PIEZO2: variants seen among roughly 807,000 people sequenced by gnomAD.
PIEZO2 encodes the protein piezo type mechanosensitive ion channel component 2.
A neutral mutation model predicts 337.3 loss-of-function variants in PIEZO2; 172 were observed. The ratio of observed to expected loss-of-function variants is 0.51; its 90% CI spans 0.45 to 0.58. The LOEUF (loss-of-function observed/expected upper bound fraction) is 0.58. Among genes scored for constraint, PIEZO2 ranks in the 20% least tolerant of loss-of-function variants. The pLI is 0.00. For missense variants in PIEZO2, 3,028 were observed against 3,391.3 expected (o/e 0.89, Z 2.66); for synonymous variants, 1,251 against 1,228.5 (o/e 1.02, Z -0.38).
intron 2 of PIEZO2, among the ~76,000 whole-genome samples, chr18:10,996,433 A>G (rs1404395152): frequency 6.6e-6 from 1 of 152,226 alleles, no homozygotes; most frequent in Non-Finnish European, 1.5e-5. Flanking sequence ...ATGTTGTGCA[A>G]TTATTTGGAA....
At chr18:10,880,875 ATATATATATATATATATATATATAT>A (rs2042396796) in intron 4 of PIEZO2, among the ~76,000 whole-genome samples, 4 of 97,670 alleles carry the variant, frequency 4.1e-5, no homozygotes, top group South Asian at 3.6e-4. Flanking sequence ...ATATATATAT[ATATATATATATATATATATATATAT>A]AATTTTGATA....
chr18:10,931,697 GGT>G (rs369138997), intron 3 of PIEZO2, among the ~76,000 whole-genome samples: 5 of 143,534 alleles, frequency 3.5e-5, no homozygotes, highest in East Asian at 2.0e-4. Context: ...TTCTCTGTGT[GGT>G]GTGTGTGTGT....
At chr18:10,782,348 ATAT>A (rs1410746191) in intron 17 of PIEZO2, among the ~76,000 whole-genome samples, 1 of 59,440 alleles carries the variant, frequency 1.7e-5, no homozygotes, top group East Asian at 5.4e-4. Context: ...TAATTATAAT[ATAT>A]TATAATTATA....
chr18:10,780,241 T>C lies in PIEZO2; in HGVS notation c.2534+84A>G, dbSNP rs1018737972. 4 of 691,884 alleles carry C rather than the reference T, an allele frequency of 5.8e-6. No homozygotes were observed. In the African/African-American group the frequency reaches 7.0e-5, roughly 12 times the overall value. The allele number at this position is 691,884 out of a possible 1,614,324, so 42.9% of individuals were successfully genotyped here. On this transcript the variant is annotated intron_variant, in intron 18 of 55. Transcript: ENST00000674853. ...AGTGTCCACTATCTGACAACACGAT[T>C]TTCATGTATAAAGCAGTTAAGAGTT...
At chr18:10,882,605 A>G (rs2042453195) in intron 4 of PIEZO2, among the ~76,000 whole-genome samples, 2 of 152,020 alleles carry the variant, frequency 1.3e-5, no homozygotes, top group African/African-American at 4.8e-5. Flanking sequence ...ATTTTTTCCC[A>G]TCATCTCCTC....
intron 2 of PIEZO2, among the ~76,000 whole-genome samples, chr18:10,985,065 CCCT>C (rs2034817344): frequency 2.0e-5 from 3 of 152,102 alleles, no homozygotes; most frequent in East Asian, 3.9e-4. Flanking sequence ...ACTAGAACTG[CCCT>C]ATAAGAAACG....
At chr18:11,053,991 T>G (rs1361911392) in intron 2 of PIEZO2, among the ~76,000 whole-genome samples, 1 of 152,150 alleles carries the variant, frequency 6.6e-6, no homozygotes, top group Non-Finnish European at 1.5e-5. Flanking sequence ...ATCACTGCAC[T>G]CCAGCCTGGG....
At chr18:10,840,627 A>G (rs2041160897) in intron 7 of PIEZO2, among the ~76,000 whole-genome samples, 1 of 150,998 alleles carries the variant, frequency 6.6e-6, no homozygotes, top group Non-Finnish European at 1.5e-5. Flanking sequence ...TCCACTTTTG[A>G]CAATAAAAAA....
chr18:10,715,513 C>T, intron 38 of PIEZO2, 137 bp downstream of exon 38: 1 of 724,610 alleles, frequency 1.4e-6, no homozygotes, highest in Non-Finnish European at 2.1e-6. Context: ...TTTAAATATA[C>T]AGAAAAGCAA....
chr18:11,025,341 G>C (rs2036499429), intron 2 of PIEZO2, among the ~76,000 whole-genome samples: 1 of 152,088 alleles, frequency 6.6e-6, no homozygotes, highest in Admixed American at 6.5e-5. Flanking sequence ...TAGGTAAACG[G>C]GGCAGATAAC....
In PIEZO2 at chr18:10,879,466, G is replaced by T. The variant is rs142892340; in HGVS notation, c.330-8051C>A. Among the ~76,000 whole-genome samples, 1,395 of 147,298 alleles carry T rather than the reference G, an allele frequency of 9.5e-3. 5 individuals are homozygous for T. The highest frequency in any genetic ancestry group is 0.013 in the Non-Finnish European group (898 of 67,644). ...GCTGGAGTGCAGTAGTGCGATCTCG[G>T]CTCACTGCAAGCTCCGCCTCCCGGG... On this transcript the variant is annotated intron_variant, in intron 4 of 55. Coordinates refer to ENST00000674853, the MANE Select transcript of PIEZO2 (RefSeq NM_001378183.1).
chr18:10,855,445 C>T lies in PIEZO2; in HGVS notation c.825G>A (p.Leu275=). ...TCAAATGTCCAGCAGTGAAAATAGC[C>T]AGCAGAACACAGAGACAGCTGAACA... The part of the protein sequence containing the change: ...PLLFSCLCVL[L]AIFTAGHLIG... Residue 275 remains leucine (L), a synonymous_variant, in exon 7 of 56, where the codon CTG becomes CTA. Transcript: ENST00000674853. The surrounding 1 kb of genome is among the most constrained non-coding windows in gnomAD (Gnocchi z 4.9). 1.3e-6 allele frequency: 2 copies of T among 1,537,122 alleles called. No individual in the cohort carries two copies. The highest frequency in any genetic ancestry group is 1.7e-6 in the Non-Finnish European group (2 of 1,146,874).
Position 10,953,692 on chromosome 18 carries a change from G to A in PIEZO2, c.286+25843C>T, listed in dbSNP as rs1337211249. On this transcript the variant is annotated intron_variant, in intron 3 of 55. Transcript: ENST00000674853. This position sits in a 1 kb window ranked among gnomAD's most constrained non-coding sequence, Gnocchi z 5.2. ...TCCACTGCCCTAAACAGAATGAGAT[G>A]GTTGAACACATCGCAACACTGGGCA... Among the ~76,000 whole-genome samples the A allele has an allele frequency of 1.3e-5, 2 of 152,020 alleles. No homozygotes were observed. The highest frequency in any genetic ancestry group is 2.9e-5 in the Non-Finnish European group (2 of 68,020).
rs1389234629 is a variant in PIEZO2, at chr18:11,148,650, A to G, written c.-62T>C. On this transcript the variant is annotated 5_prime_UTR_variant, in exon 1 of 56. Transcript: ENST00000674853. This position sits in a 1 kb window ranked among gnomAD's most constrained non-coding sequence, Gnocchi z 5.2. Reference sequence around the variant, plus strand: ...CTCGAGGGTCCCTAGGGGTGGTGGGACGCAAGGCCCATGCCCGTCTATGGC... The same window carrying G: ...CTCGAGGGTCCCTAGGGGTGGTGGGGCGCAAGGCCCATGCCCGTCTATGGC... 2.7e-6 allele frequency: 4 copies of G among 1,506,102 alleles called. No individual in the cohort carries two copies. The highest frequency in any genetic ancestry group is 2.0e-5 in the Admixed American group (1 of 50,830). The allele number at this position is 1,506,102 out of a possible 1,614,324, so 93.3% of individuals were successfully genotyped here.
chr18:10,940,726 G>A lies in PIEZO2; in HGVS notation c.287-29498C>T, dbSNP rs996719309. ...AAAAGACAAAAATTAGCTGGGCATG[G>A]TGGCTCGCGCCTGTAGTCCCAGCTA... On this transcript the variant is annotated intron_variant, in intron 3 of 55. Transcript: ENST00000674853. This position sits in a 1 kb window ranked among gnomAD's most constrained non-coding sequence, Gnocchi z 5.3. Among the ~76,000 whole-genome samples, 1 of 152,180 alleles carries A rather than the reference G, an allele frequency of 6.6e-6. No homozygotes were observed. Among genetic ancestry groups the A allele is most frequent in the Admixed American group, 6.5e-5 (1 of 15,286 alleles).
intron 4 of PIEZO2, among the ~76,000 whole-genome samples, chr18:10,909,214 A>C (rs917742554): frequency 6.6e-6 from 1 of 152,296 alleles, no homozygotes; most frequent in Admixed American, 6.5e-5. Flanking sequence ...ATTTACATGA[A>C]ATGAGGGATT....
At chr18:10,785,037 C>CAA in intron 16 of PIEZO2, 80 bp from the exon 17 acceptor site, 1 of 1,382,308 alleles carries the variant, frequency 7.2e-7, no homozygotes, top group Non-Finnish European at 9.6e-7. Context: ...AACTACATCA[C>CAA]AGTCTTACAC....
chr18:11,026,300 G>A (rs538908494), intron 2 of PIEZO2, among the ~76,000 whole-genome samples: 3 of 152,150 alleles, frequency 2.0e-5, no homozygotes, highest in East Asian at 3.9e-4. Flanking sequence ...CTCCATAACC[G>A]AACAAGTACA....
intron 51 of PIEZO2, among the ~76,000 whole-genome samples, chr18:10,681,107 A>G (rs933390113): frequency 6.6e-6 from 1 of 152,260 alleles, no homozygotes; most frequent in African/African-American, 2.4e-5. Flanking sequence ...TTTTTTAATT[A>G]CAAAATAAGT....
Sources: gnomAD v4.1 joint callset for allele counts (sites outside exome capture counted in the v4.1 genomes callset) on GRCh38, gnomAD v4.1.1 for gene constraint, Gnocchi (gnomAD v3.1) non-coding constraint, MANE v1.5 for transcripts, NCBI Gene and HGNC (gene_info 2026-07-23, HGNC 2026-07-21) for gene names.